ELMO1: variants seen among roughly 807,000 people sequenced by gnomAD.
ELMO1 encodes engulfment and cell motility 1, also known as engulfment and cell motility protein 1.
In ELMO1, 26 loss-of-function variants were observed where a neutral mutation model predicts 98.9. That is an observed-to-expected ratio of 0.26 (90% CI 0.19 to 0.36). The LOEUF (loss-of-function observed/expected upper bound fraction) is 0.36, where lower values mean the gene tolerates loss of function less well. ELMO1 is among the 10% of genes least tolerant of loss of function. The probability of loss-of-function intolerance (pLI) is 1.00; values close to 1 mark genes in which losing one functional copy is unlikely to be tolerated. For missense variants in ELMO1, 627 were observed against 935.2 expected (o/e 0.67, Z 4.30); for synonymous variants, 346 against 346.0 (o/e 1.00, Z 0.00).
In ELMO1 at chr7:37,250,751, C is replaced by T. The variant is rs544037491; in HGVS notation, c.414-6360G>A. ...AGCTTGCAATGAGCCAAGATTGCGC[C>T]ATTGCACTCCAGCCTGGGTGACAAA... On this transcript the variant is annotated intron_variant, in intron 6 of 21. Coordinates refer to ENST00000310758, the MANE Select transcript of ELMO1 (RefSeq NM_014800.11). 5.0e-3 allele frequency among the ~76,000 whole-genome samples: 690 copies of T among 138,156 alleles called. 2 individuals carry two copies. The highest frequency in any genetic ancestry group is 7.7e-3 in the Non-Finnish European group (510 of 66,162). 90.6% of individuals were successfully genotyped at this position (138,156 alleles called of 152,430 possible). A position where few individuals can be genotyped will look rare whatever the true frequency, so the allele number is the denominator to read the frequency against.
At chr7:37,118,185 C>A (rs1042892802) in intron 14 of ELMO1, among the ~76,000 whole-genome samples, 1 of 152,136 alleles carries the variant, frequency 6.6e-6, no homozygotes, top group African/African-American at 2.4e-5. Flanking sequence ...AAAGTCTTGG[C>A]GTCGCCTCCA....
chr7:36,998,756 A>G (rs1353672088), intron 16 of ELMO1, among the ~76,000 whole-genome samples: 1 of 151,688 alleles, frequency 6.6e-6, no homozygotes, highest in Non-Finnish European at 1.5e-5. Flanking sequence ...CTGACACTAT[A>G]TTTTAGTGCT....
chr7:37,366,775 GGAGAAA>G lies in ELMO1; in HGVS notation c.-73-24018_-73-24013del, dbSNP rs576890484. Among the ~76,000 whole-genome samples the G allele has an allele frequency of 6.2e-4, 95 of 152,246 alleles. 1 individual carries two copies. The Middle Eastern group carries it at 0.02, about 33-fold the overall frequency. ...ATAGCATTCTCCGAACTCCTCTAAC[GGAGAAA>G]GAGAGATTCTTTATTCATTTCAAAA... On this transcript the variant is annotated intron_variant, in intron 1 of 21. Transcript: ENST00000310758.
chr7:37,421,854 C>T (rs1449849910), intron 1 of ELMO1, among the ~76,000 whole-genome samples: 1 of 152,166 alleles, frequency 6.6e-6, no homozygotes, highest in Non-Finnish European at 1.5e-5. Context: ...AAACTGGCCC[C>T]TCTGCTTGGA....
At chr7:37,337,704 C>T (rs1044142134) in intron 2 of ELMO1, among the ~76,000 whole-genome samples, 26 of 152,020 alleles carry the variant, frequency 1.7e-4, no homozygotes, top group Admixed American at 1.1e-3. Context: ...ATATGTAGGC[C>T]GAGAAGTTCT....
intron 13 of ELMO1, among the ~76,000 whole-genome samples, chr7:37,205,009 T>A (rs953735292): frequency 1.3e-5 from 2 of 152,228 alleles, no homozygotes; most frequent in South Asian, 4.1e-4. Flanking sequence ...AGAGTACTGA[T>A]TGGTGCGTTT....
chr7:36,940,012 A>G (rs574753079), intron 16 of ELMO1, among the ~76,000 whole-genome samples: 3 of 152,328 alleles, frequency 2.0e-5, no homozygotes, highest in Admixed American at 2.0e-4. Context: ...ACAGGTGGCA[A>G]TTGACAGGAT....
chr7:37,096,638 G>T lies in ELMO1; in HGVS notation c.1281C>A (p.Ile427=). The T allele has an allele frequency of 1.9e-6, 3 of 1,614,112 alleles. No homozygotes were observed. Among genetic ancestry groups the T allele is most frequent in the Non-Finnish European group, 1.7e-6 (2 of 1,179,986 alleles). The part of the protein sequence containing the change: ...SIELTKMLCE[I]LKVGELPSET... The stretch of plus-strand genomic sequence containing the variant: ...ACTTACGCAACTCGCCCACTTTCAA[G>T]ATCTCACATAGCATCTTGGTCAGCT... The change falls in exon 15 of 22, where the codon ATC becomes ATA. Residue 427 remains isoleucine (I), a synonymous_variant. Transcript: ENST00000310758.
In ELMO1 at chr7:37,224,939, T is replaced by A; in HGVS notation, c.641A>T (p.Asp214Val). Residue 214 changes from aspartate (D) to valine (V), a missense_variant, in exon 9 of 22, where the codon GAC (aspartate) becomes GTC (valine). By Grantham distance (152) the Asp-to-Val change is radical. Coordinates refer to ENST00000310758, the MANE Select transcript of ELMO1 (RefSeq NM_014800.11). The part of the protein sequence containing the change: ...ILESMVLNSH[D>V]LYQKVAQEIT... ...CTCCTGCGCCACTTTCTGGTAGAGGTCATGGCTATTGAGCACCATCGACTC... is the reference window on the plus strand; with the variant it reads ...CTCCTGCGCCACTTTCTGGTAGAGGACATGGCTATTGAGCACCATCGACTC... 1 of 1,614,072 alleles carries A rather than the reference T, an allele frequency of 6.2e-7. No individual in the cohort carries two copies. The highest frequency in any genetic ancestry group is 2.2e-5 in the East Asian group (1 of 44,860).
At chr7:37,196,245 A>G (rs1381235974) in intron 13 of ELMO1, among the ~76,000 whole-genome samples, 1 of 152,220 alleles carries the variant, frequency 6.6e-6, no homozygotes, top group Non-Finnish European at 1.5e-5. Flanking sequence ...ATAGCAAGAC[A>G]GCACAGCCTC....
intron 2 of ELMO1, among the ~76,000 whole-genome samples, chr7:37,334,686 C>T (rs114347733): frequency 4.7e-4 from 72 of 152,202 alleles, no homozygotes; most frequent in African/African-American, 1.6e-3. Context: ...CTGCTACTAA[C>T]GAGCAAAATT....
intron 13 of ELMO1, among the ~76,000 whole-genome samples, chr7:37,182,997 A>G (rs990881829): frequency 4.6e-5 from 7 of 152,168 alleles, no homozygotes; most frequent in African/African-American, 1.7e-4. Context: ...GAAACCCTAT[A>G]AAAATGTCAA....
intron 15 of ELMO1, among the ~76,000 whole-genome samples, chr7:37,077,489 G>A (rs533279982): frequency 4.6e-5 from 7 of 152,326 alleles, no homozygotes; most frequent in Admixed American, 3.9e-4. Flanking sequence ...GGGAGTTTTA[G>A]ACAGGTCTGA....
intron 14 of ELMO1, among the ~76,000 whole-genome samples, chr7:37,108,981 T>C (rs766633675): frequency 1.3e-5 from 2 of 152,222 alleles, no homozygotes; most frequent in Admixed American, 6.5e-5. Flanking sequence ...CCCTATTCTA[T>C]GTCATTTGTG....
intron 1 of ELMO1, among the ~76,000 whole-genome samples, chr7:37,358,002 A>G (rs141472062): frequency 7.3e-4 from 111 of 152,304 alleles, no homozygotes; most frequent in African/African-American, 2.6e-3. Context: ...AGCCAATATT[A>G]TTGATTACAT....
At chr7:37,351,694 A>G (rs952566144) in intron 1 of ELMO1, among the ~76,000 whole-genome samples, 1 of 152,218 alleles carries the variant, frequency 6.6e-6, no homozygotes, top group Non-Finnish European at 1.5e-5. Flanking sequence ...TCTGTCCCTT[A>G]CAATTGAAAA....
intron 1 of ELMO1, among the ~76,000 whole-genome samples, chr7:37,362,242 C>T (rs1281128770): frequency 5.2e-5 from 7 of 133,446 alleles, no homozygotes; most frequent in East Asian, 5.7e-4. Flanking sequence ...ATAATTTCTC[C>T]GTTACATCCT....
chr7:37,400,867 A>C (rs1803497379), intron 1 of ELMO1, among the ~76,000 whole-genome samples: 3 of 152,230 alleles, frequency 2.0e-5, no homozygotes, highest in Admixed American at 6.5e-5. Flanking sequence ...ATTTTCTTCC[A>C]ACCTGTGCAC....
intron 11 of ELMO1, among the ~76,000 whole-genome samples, chr7:37,215,197 C>A (rs1793211595): frequency 6.6e-6 from 1 of 152,222 alleles, no homozygotes; most frequent in South Asian, 2.1e-4. Flanking sequence ...AAGTTACACT[C>A]ATACATTTCT....
Sources: allele counts gnomAD v4.1 joint callset (sites outside exome capture counted in the v4.1 genomes callset), GRCh38; gene constraint gnomAD v4.1.1; transcripts MANE v1.5; gene names NCBI Gene and HGNC (gene_info 2026-07-23, HGNC 2026-07-21).